Variants in KLHL32 observed in about 807,000 individuals in gnomAD.
The protein encoded by KLHL32 is kelch-like protein 32.
Under a neutral mutation model 64.8 loss-of-function variants are expected in KLHL32, and 35 were observed. The observed-to-expected ratio is 0.54, with a 90% CI of 0.41 to 0.72. The LOEUF (loss-of-function observed/expected upper bound fraction) is 0.72. Ranked by LOEUF, KLHL32 falls within the 30% of genes least tolerant of loss-of-function variation. The pLI is 0.00. For synonymous variants in KLHL32, 259 were observed against 281.0 expected, an observed-to-expected ratio of 0.92 and a Z score of 0.78; for missense variants, 589 against 768.5, an observed-to-expected ratio of 0.77 and a Z score of 2.76.
chr6:97,093,519 T>C (rs1241477555), intron 6 of KLHL32, among the ~76,000 whole-genome samples: 1 of 152,256 alleles, frequency 6.6e-6, no homozygotes, highest in Non-Finnish European at 1.5e-5. Flanking sequence ...AAGTACCTTA[T>C]ATATCTCATA....
rs113473683 is a variant in KLHL32 at position 96,959,289 on chromosome 6, C to T, written c.-65-7707C>T. Reference sequence around the variant, plus strand: ...CCTGGAGGTAGTGTGGTCTGCAGGCCCGGGACAGCTTCTGAGCCACAGTAG... The same window carrying T: ...CCTGGAGGTAGTGTGGTCTGCAGGCTCGGGACAGCTTCTGAGCCACAGTAG... On this transcript the variant is annotated intron_variant, in intron 1 of 10. Coordinates refer to ENST00000369261, the MANE Select transcript of KLHL32 (RefSeq NM_052904.4). Among the ~76,000 whole-genome samples the T allele has an allele frequency of 1.2e-3, 187 of 152,208 alleles. 1 individual carries two copies. Among genetic ancestry groups the T allele is most frequent in the African/African-American group, 4.3e-3 (180 of 41,542 alleles).
At chr6:97,071,192 G>A (rs1485836081) in intron 5 of KLHL32, among the ~76,000 whole-genome samples, 1 of 151,802 alleles carries the variant, frequency 6.6e-6, no homozygotes, top group Non-Finnish European at 1.5e-5. Flanking sequence ...CATTCTTCAG[G>A]CCCATTGAAC....
At position 97,114,155 on chromosome 6, in the gene KLHL32, G is replaced by T. The variant is rs777951446; in HGVS notation, c.1000G>T (p.Val334Leu). Residue 334 changes from valine (V) to leucine (L), a missense_variant, in exon 7 of 11, where the codon GTG becomes TTG. Around this residue, in one of 3 missense-constraint regions of KLHL32, gnomAD observed 226 missense variants for 353.2 expected, o/e 0.64. Coordinates refer to ENST00000369261, the MANE Select transcript of KLHL32 (RefSeq NM_052904.4). ...ANWSELAPMP[V>L]GRSHHCVAVM... is the part of the protein sequence containing the mutation. The stretch of plus-strand genomic sequence containing the variant: ...CTGGAGTGAGCTGGCTCCCATGCCT[G>T]TGGGAAGGAGCCACCATTGTGTGGC... 2 of 1,614,202 alleles carry T rather than the reference G, an allele frequency of 1.2e-6. No homozygotes were observed. The highest frequency in any genetic ancestry group is 4.5e-5 in the East Asian group (2 of 44,886).
At chr6:97,093,968 G>T (rs1794618869) in intron 6 of KLHL32, among the ~76,000 whole-genome samples, 1 of 152,166 alleles carries the variant, frequency 6.6e-6, no homozygotes, top group Non-Finnish European at 1.5e-5. Context: ...TGAGACCAGA[G>T]ATTGGATGGA....
chr6:97,127,609 T>G lies in KLHL32; in HGVS notation c.1413+147T>G, dbSNP rs1408049816. On this transcript the variant is annotated intron_variant, in intron 8 of 10. Transcript: ENST00000369261. ...AAAAGGAAGCATCTGAATAAACTGC[T>G]TTTTGGTTCCTTTTTTTGTTTTGTT... 7 of 707,096 alleles carry G rather than the reference T, an allele frequency of 9.9e-6. No homozygotes were observed. The African/African-American group carries it at 1.3e-4, about 13-fold the overall frequency. The allele number at this position is 707,096 out of a possible 1,614,324, so 43.8% of individuals were successfully genotyped here. A position where few individuals can be genotyped will look rare whatever the true frequency, so the allele number is the denominator to read the frequency against.
intron 3 of KLHL32, among the ~76,000 whole-genome samples, chr6:96,985,304 A>AT (rs1361069500): frequency 6.6e-6 from 1 of 151,752 alleles, no homozygotes; most frequent in Non-Finnish European, 1.5e-5. Context: ...TGCCCTTATC[A>AT]TTTTTTCCTT....
chr6:96,934,459 CA>C (rs55713007), intron 1 of KLHL32, among the ~76,000 whole-genome samples: 19,626 of 151,560 alleles, frequency 0.13, 1,546 homozygotes, highest in East Asian at 0.26. Flanking sequence ...ACAACAACAA[CA>C]AAAAAATAGC....
intron 3 of KLHL32, among the ~76,000 whole-genome samples, chr6:97,022,192 T>G (rs1231131413): frequency 6.6e-6 from 1 of 150,984 alleles, no homozygotes; most frequent in Non-Finnish European, 1.5e-5. Flanking sequence ...GTTTCTACTC[T>G]TATGCAGAAT....
chr6:96,936,630 C>A (rs921433808), intron 1 of KLHL32, among the ~76,000 whole-genome samples: 1 of 152,218 alleles, frequency 6.6e-6, no homozygotes, highest in African/African-American at 2.4e-5. Context: ...TTGCTTAAAT[C>A]ATTGCAGCAG....
chr6:97,016,586 T>C (rs1040478265), intron 3 of KLHL32, among the ~76,000 whole-genome samples: 7 of 152,226 alleles, frequency 4.6e-5, no homozygotes, highest in Admixed American at 3.9e-4. Context: ...GAAGGGACTT[T>C]CCTTGTCTTA....
chr6:96,899,261 C>G, the KLHL32 span, among the ~76,000 whole-genome samples: 12 of 152,098 alleles, frequency 7.9e-5, no homozygotes, highest in Non-Finnish European at 1.8e-4. Context: ...GCAGGCTGCT[C>G]CAAGATTTCT....
chr6:97,033,427 T>C (rs1346935914), intron 3 of KLHL32, among the ~76,000 whole-genome samples: 1 of 152,162 alleles, frequency 6.6e-6, no homozygotes, highest in Non-Finnish European at 1.5e-5. Context: ...CATTCATCCG[T>C]TGAGGGACAT....
chr6:96,983,192 G>T (rs1339959848), intron 3 of KLHL32, among the ~76,000 whole-genome samples: 2 of 152,248 alleles, frequency 1.3e-5, no homozygotes, highest in African/African-American at 2.4e-5. Flanking sequence ...TTATTGATTT[G>T]CATATGTTGA....
the KLHL32 span, among the ~76,000 whole-genome samples, chr6:96,911,873 C>T: frequency 2.9e-5 from 3 of 103,458 alleles, no homozygotes; most frequent in Non-Finnish European, 5.5e-5. Context: ...CTCCTCCATT[C>T]ACCCCTTAAA....
At chr6:96,936,338 A>G (rs1770598721) in intron 1 of KLHL32, among the ~76,000 whole-genome samples, 1 of 152,028 alleles carries the variant, frequency 6.6e-6, no homozygotes, top group Non-Finnish European at 1.5e-5. Flanking sequence ...CCTTTTAAAA[A>G]CTCACCCAAA....
At chr6:97,117,944 C>T (rs559581585) in intron 7 of KLHL32, among the ~76,000 whole-genome samples, 1 of 152,144 alleles carries the variant, frequency 6.6e-6, no homozygotes, top group Admixed American at 6.5e-5. Context: ...TACTCAAAAG[C>T]AATATTTAGT....
intron 5 of KLHL32, among the ~76,000 whole-genome samples, chr6:97,081,993 G>A (rs1792613935): frequency 6.6e-6 from 1 of 152,126 alleles, no homozygotes; most frequent in Admixed American, 6.6e-5. Context: ...TACTGAGTTT[G>A]GACTTTTTCC....
chr6:97,134,076 C>A (rs913580487), intron 10 of KLHL32, among the ~76,000 whole-genome samples: 2 of 151,328 alleles, frequency 1.3e-5, no homozygotes, highest in East Asian at 3.9e-4. Flanking sequence ...AAGAAGAAAT[C>A]ATAATGGAAC....
chr6:97,040,141 A>G (rs1487168450), intron 3 of KLHL32, among the ~76,000 whole-genome samples: 3 of 152,260 alleles, frequency 2.0e-5, no homozygotes, highest in Admixed American at 6.5e-5. Context: ...ACCACATAGC[A>G]TAGTGAGGTT....
Sources: gnomAD v4.1 joint callset for allele counts (sites outside exome capture counted in the v4.1 genomes callset) on GRCh38, gnomAD v4.1.1 for gene constraint, gnomAD v4.1.1 regional missense constraint, MANE v1.5 for transcripts, NCBI Gene and HGNC (gene_info 2026-07-23, HGNC 2026-07-21) for gene names.